TNS4: variants seen among roughly 807,000 people sequenced by gnomAD.
The protein encoded by TNS4 is tensin 4.
A neutral mutation model predicts 70.4 loss-of-function variants in TNS4; 46 were observed. That is an observed-to-expected ratio of 0.65 (90% CI 0.52 to 0.84). The LOEUF is 0.84. Among genes scored for constraint, TNS4 ranks in the 40% least tolerant of loss-of-function variants. TNS4 has a pLI of 0.00. For synonymous variants in TNS4, 390 were observed against 366.6 expected (o/e 1.06, Z -0.73); for missense variants, 863 against 907.0 (o/e 0.95, Z 0.62).
chr17:40,487,682 TAAAG>T (rs1462694869), intron 3 of TNS4, among the ~76,000 whole-genome samples: 12 of 152,106 alleles, frequency 7.9e-5, no homozygotes, highest in African/African-American at 2.7e-4. Flanking sequence ...TTTGGTCACT[TAAAG>T]TAGCCAATGA....
At position 40,496,478 on chromosome 17, in the gene TNS4, G is replaced by A; in HGVS notation, c.-53C>T. On this transcript the variant is annotated 5_prime_UTR_variant, in exon 2 of 13. Transcript: ENST00000254051. ...CCTCTGGTCTTCAACCAGCCTCACT[G>A]ACATCCCAGAGATCTCACTTGCTAA... The A allele has an allele frequency of 6.5e-7, 1 of 1,542,178 alleles. No individual in the cohort carries two copies. The highest frequency in any genetic ancestry group is 8.7e-7 in the Non-Finnish European group (1 of 1,145,170).
intron 3 of TNS4, among the ~76,000 whole-genome samples, 199 bp from the exon 4 acceptor site, chr17:40,487,659 G>A (rs2036009282): frequency 6.6e-6 from 1 of 152,200 alleles, no homozygotes; most frequent in Non-Finnish European, 1.5e-5. Context: ...AAATGTCCTT[G>A]GATGGTAGGG....
In TNS4 at chr17:40,477,387, G is replaced by A. The variant is rs1370562556; in HGVS notation, c.*201C>T. ...CTATTGGTCTTCTTCTATGATTGAG[G>A]AAACTGAGGCCCGGGGGGTCTGGAT... On this transcript the variant is annotated 3_prime_UTR_variant, in exon 13 of 13. Transcript: ENST00000254051. 1 of 582,176 alleles carries A rather than the reference G, an allele frequency of 1.7e-6. No homozygotes were observed. The highest frequency in any genetic ancestry group is 2.9e-6 in the Non-Finnish European group (1 of 342,262). 36.1% of individuals were successfully genotyped at this position (582,176 alleles called of 1,614,324 possible). A position where few individuals can be genotyped will look rare whatever the true frequency, so the allele number is the denominator to read the frequency against.
rs112972414 is a variant in TNS4, at chr17:40,482,240, G to A, written c.1595-34C>T. 2.1e-4 allele frequency: 335 copies of A among 1,614,066 alleles called. 1 individual carries two copies. Among genetic ancestry groups the A allele is most frequent in the African/African-American group, 1.8e-3 (132 of 75,046 alleles). On this transcript the variant is annotated intron_variant, in intron 7 of 12. Transcript: ENST00000254051. ...AAGCAAGCAGCCCTGCATGAGTAGA[G>A]CTTCCCCAACCCACCCCTCAGCTCA...
At chr17:40,490,053 C>T (rs1479874952) in intron 2 of TNS4, among the ~76,000 whole-genome samples, 5 of 152,204 alleles carry the variant, frequency 3.3e-5, no homozygotes, top group African/African-American at 9.6e-5. Flanking sequence ...TTTAGCGAGG[C>T]CACCCAGGGC....
At position 40,486,966 on chromosome 17, in the gene TNS4, G is replaced by A; in HGVS notation, c.1288+70C>T. 7.0e-6 allele frequency: 11 copies of A among 1,567,106 alleles called. No individual in the cohort carries two copies. In the South Asian group the frequency reaches 1.2e-4, roughly 17 times the overall value. On this transcript the variant is annotated intron_variant, in intron 4 of 12. Coordinates refer to ENST00000254051, the MANE Select transcript of TNS4 (RefSeq NM_032865.6). ...TCAATAAATGTGTTGACTGGCTGTTGCAGAAACCCACTGGCACTTTGTCTA... is the reference window on the plus strand; with the variant it reads ...TCAATAAATGTGTTGACTGGCTGTTACAGAAACCCACTGGCACTTTGTCTA...
At chr17:40,481,719 G>T (rs1248230153) in intron 8 of TNS4, among the ~76,000 whole-genome samples, 1 of 152,204 alleles carries the variant, frequency 6.6e-6, no homozygotes, top group East Asian at 1.9e-4. Flanking sequence ...TACTTCACAA[G>T]CTTGTAGTGA....
chr17:40,499,356 C>G (rs1159501298), intron 1 of TNS4, among the ~76,000 whole-genome samples: 3 of 152,174 alleles, frequency 2.0e-5, no homozygotes, highest in South Asian at 4.1e-4. Flanking sequence ...TCGGGGAGCT[C>G]GGCTCTTGAG....
chr17:40,496,476 C>T lies in TNS4; in HGVS notation c.-51G>A, dbSNP rs1222676082. The T allele has an allele frequency of 6.4e-7, 1 of 1,551,926 alleles. No individual in the cohort carries two copies. Among genetic ancestry groups the T allele is most frequent in the South Asian group, 1.2e-5 (1 of 83,580 alleles). ...TACCTCTGGTCTTCAACCAGCCTCA[C>T]TGACATCCCAGAGATCTCACTTGCT... On this transcript the variant is annotated 5_prime_UTR_variant, in exon 2 of 13. It adds an upstream start codon to the 5' untranslated region. Coordinates refer to ENST00000254051, the MANE Select transcript of TNS4 (RefSeq NM_032865.6).
rs764944090 is a variant in TNS4, at chr17:40,495,998, G to A, written c.428C>T (p.Ser143Phe). The A allele has an allele frequency of 2.1e-5, 34 of 1,610,500 alleles. No homozygotes were observed. The highest frequency in any genetic ancestry group is 2.6e-5 in the Non-Finnish European group (31 of 1,178,632). The change falls in exon 2 of 13, where the codon TCT becomes TTT. Residue 143 changes from serine to phenylalanine, a missense_variant. Transcript: ENST00000254051. Reference protein sequence around the residue: ...STMSMRKKEESEALDIKYIEV... With the variant: ...STMSMRKKEEFEALDIKYIEV... ...CCCCAAATCCTTACCCAAGGCTTCA[G>A]ATTCCTCCTTCTTTCTCATTGACAT...
intron 7 of TNS4, 28 bp from the exon 8 acceptor site, chr17:40,482,234 A>T (rs1372219640): frequency 1.2e-6 from 2 of 1,613,920 alleles, no homozygotes; most frequent in Non-Finnish European, 1.7e-6. Context: ...GCCCTGCATG[A>T]GTAGAGCTTC....
chr17:40,479,958 A>G (rs2143780121), intron 9 of TNS4, 116 bp from the exon 10 acceptor site: 1 of 1,310,056 alleles, frequency 7.6e-7, no homozygotes, highest in African/African-American at 1.5e-5. Context: ...AGCTCCTCTT[A>G]GAGCCGCCAC....
At chr17:40,500,752 C>A (rs1042499719) in intron 1 of TNS4, among the ~76,000 whole-genome samples, 2 of 152,188 alleles carry the variant, frequency 1.3e-5, no homozygotes, top group African/African-American at 4.8e-5. Context: ...AGCCCAATCT[C>A]CACTGCACCC....
At position 40,477,622 on chromosome 17, in the gene TNS4, A is replaced by C; in HGVS notation, c.2114T>G (p.Val705Gly). 1 of 1,614,092 alleles carries C rather than the reference A, an allele frequency of 6.2e-7. No individual in the cohort carries two copies. Among genetic ancestry groups the C allele is most frequent in the African/African-American group, 1.3e-5 (1 of 75,038 alleles). The change falls in exon 13 of 13, where the codon GTG becomes GGG. Residue 705 changes from valine (V) to glycine (G), a missense_variant. Val to Gly is a moderately radical substitution (Grantham distance 109, BLOSUM62 -3). Transcript: ENST00000254051. ...VQPASQVIGL[V>G]TALLQDAERM ...TTCTGCGTCCTGCAGCAGAGCAGTC[A>C]CCAGGCCGATGACCTGCGAGGCTGG...
intron 12 of TNS4, 95 bp from the exon 13 acceptor site, chr17:40,477,824 A>C: frequency 8.2e-7 from 1 of 1,213,970 alleles, no homozygotes; most frequent in Non-Finnish European, 1.2e-6. Context: ...CCTGCATCTC[A>C]TTCCTCCCTG....
At chr17:40,497,808 G>A (rs1396400391) in intron 1 of TNS4, among the ~76,000 whole-genome samples, 1 of 152,178 alleles carries the variant, frequency 6.6e-6, no homozygotes, top group African/African-American at 2.4e-5. Context: ...GCTCAACCCT[G>A]AGGGCAACAG....
At chr17:40,488,996 G>A in intron 2 of TNS4, 27 bp from the exon 3 acceptor site, 1 of 1,533,352 alleles carries the variant, frequency 6.5e-7, no homozygotes, top group Non-Finnish European at 8.7e-7. Context: ...CAGAGCATTG[G>A]TGAAATGCAG....
chr17:40,488,671 C>T lies in TNS4; in HGVS notation c.738G>A (p.Leu246=). ...MGSKASSPHG[L]GSPLVASPRL... is the part of the protein sequence containing the mutation. ...TTGGAGAAGCCACCAGCGGGGAGCC[C>T]AAACCATGGGGGCTCGAGGCCTTGC... is the stretch of plus-strand genomic sequence containing the variant. Residue 246 remains leucine, a synonymous_variant, in exon 3 of 13, where the codon TTG becomes TTA. Coordinates refer to ENST00000254051, the MANE Select transcript of TNS4 (RefSeq NM_032865.6). The T allele has an allele frequency of 6.4e-7, 1 of 1,570,416 alleles. No homozygotes were observed. The highest frequency in any genetic ancestry group is 8.6e-7 in the Non-Finnish European group (1 of 1,157,756).
chr17:40,499,103 C>CG (rs2036179476), intron 1 of TNS4, among the ~76,000 whole-genome samples: 1 of 152,164 alleles, frequency 6.6e-6, no homozygotes, highest in Non-Finnish European at 1.5e-5. Context: ...GCAGACAGCC[C>CG]AGCGCCACAC....
Sources: gnomAD v4.1 joint callset for allele counts (sites outside exome capture counted in the v4.1 genomes callset) on GRCh38, gnomAD v4.1.1 for gene constraint, MANE v1.5 for transcripts, NCBI Gene and HGNC (gene_info 2026-07-23, HGNC 2026-07-21) for gene names.